The following SRGAP1 variants were observed in gnomAD, a reference collection of about 807,000 sequenced individuals.
The protein encoded by SRGAP1 is SLIT-ROBO Rho GTPase-activating protein 1.
A neutral mutation model predicts 121.9 loss-of-function variants in SRGAP1; 43 were observed. The ratio of observed to expected loss-of-function variants is 0.35; its 90% CI spans 0.28 to 0.46. The LOEUF (loss-of-function observed/expected upper bound fraction) is 0.46, where lower values mean the gene tolerates loss of function less well. SRGAP1 is among the 20% of genes least tolerant of loss of function. The pLI, the probability that SRGAP1 is intolerant of heterozygous loss-of-function variation, is 1.00. For synonymous variants in SRGAP1, 447 were observed against 485.4 expected (o/e 0.92, Z 1.04); for missense variants, 1,102 against 1,350.9 (o/e 0.82, Z 2.89).
Position 64,097,360 on chromosome 12 carries a change from C to T in SRGAP1, c.1798C>T (p.Leu600=). Residue 600 remains leucine, a synonymous_variant, in exon 15 of 22, where the codon CTG becomes TTG. Coordinates refer to ENST00000355086, the MANE Select transcript of SRGAP1 (RefSeq NM_020762.4). The stretch of plus-strand genomic sequence containing the variant: ...CTTTCCTAAGGAAAGATTTAACGAT[C>T]TGATTTCTTGTATCAGTAAGTGGAC... The part of the protein sequence containing the change: ...PLFPKERFND[L]ISCIRIDNLY... 1 of 1,609,192 alleles carries T rather than the reference C, an allele frequency of 6.2e-7. No homozygotes were observed. Among genetic ancestry groups the T allele is most frequent in the Non-Finnish European group, 8.5e-7 (1 of 1,178,868 alleles).
At chr12:64,117,571 T>C (rs1324858433) in intron 18 of SRGAP1, among the ~76,000 whole-genome samples, 2 of 152,238 alleles carry the variant, frequency 1.3e-5, no homozygotes, top group African/African-American at 4.8e-5. Context: ...CTTTAAGAAA[T>C]CCTTCTGTGT....
At chr12:64,016,356 A>G (rs1593045539) in intron 3 of SRGAP1, among the ~76,000 whole-genome samples, 1 of 152,114 alleles carries the variant, frequency 6.6e-6, no homozygotes. Context: ...GTTTGGTTGC[A>G]TGCCCCTGTA....
At chr12:63,956,675 G>C (rs77073937) in intron 1 of SRGAP1, among the ~76,000 whole-genome samples, 356 of 134,854 alleles carry the variant, frequency 2.6e-3, no homozygotes, top group African/African-American at 9.4e-3. Context: ...GCAGCCTCCT[G>C]TTATTGATAG....
intron 16 of SRGAP1, 141 bp from the exon 17 acceptor site, chr12:64,111,621 C>A: frequency 1.5e-6 from 1 of 663,732 alleles, no homozygotes; most frequent in Non-Finnish European, 2.4e-6. Flanking sequence ...GGTCATAAGT[C>A]ATTTCACTTT....
chr12:64,113,241 C>G (rs1592333585), intron 17 of SRGAP1, among the ~76,000 whole-genome samples: 2 of 152,098 alleles, frequency 1.3e-5, no homozygotes, highest in East Asian at 3.9e-4. Context: ...AACCCCGTCT[C>G]TACTAAAAAT....
At chr12:64,086,349 A>G (rs1182769935) in intron 10 of SRGAP1, among the ~76,000 whole-genome samples, 1 of 152,222 alleles carries the variant, frequency 6.6e-6, no homozygotes, top group East Asian at 1.9e-4. Context: ...CTGTTACTTA[A>G]AACAAGTCAA....
Position 64,112,464 on chromosome 12 carries a change from C to A in SRGAP1, c.2144+478C>A, listed in dbSNP as rs116657098. Among the ~76,000 whole-genome samples the A allele has an allele frequency of 7.0e-3, 1,058 of 152,156 alleles. 17 individuals are homozygous for A. The highest frequency in any genetic ancestry group is 0.024 in the African/African-American group (989 of 41,516). On this transcript the variant is annotated intron_variant, in intron 17 of 21. Coordinates refer to ENST00000355086, the MANE Select transcript of SRGAP1 (RefSeq NM_020762.4). ...AATTCTAGCTATAATTATAGTTAGA[C>A]CTTTAGGTCATTTTGAGCAAATTTA...
chr12:64,117,297 C>A (rs1165356170), intron 18 of SRGAP1, among the ~76,000 whole-genome samples: 1 of 152,052 alleles, frequency 6.6e-6, no homozygotes, highest in African/African-American at 2.4e-5. Flanking sequence ...AGTCTTTTGC[C>A]CATTTTTCTA....
rs145357694 is a variant in SRGAP1, at chr12:64,126,330, G to C, written c.2405+173G>C. Among the ~76,000 whole-genome samples the C allele has an allele frequency of 4.7e-4, 71 of 152,320 alleles. 1 individual carries two copies. Among genetic ancestry groups the C allele is most frequent in the African/African-American group, 1.6e-3 (68 of 41,574 alleles). On this transcript the variant is annotated intron_variant, in intron 19 of 21. Coordinates refer to ENST00000355086, the MANE Select transcript of SRGAP1 (RefSeq NM_020762.4). ...GTGGCTCTTTGCTAACAGTAAGTCA[G>C]GGCCCAGGAGGTTTGGAACAAGAAC...
At position 63,850,596 on chromosome 12, in the gene SRGAP1, ATTTTTTT is replaced by A. The variant is rs34957489; in HGVS notation, c.67+5725_67+5731del. 4.8e-5 allele frequency among the ~76,000 whole-genome samples: 6 copies of A among 124,328 alleles called. No individual in the cohort carries two copies. In the East Asian group the frequency reaches 7.5e-4, roughly 16 times the overall value. 81.6% of individuals were successfully genotyped at this position (124,328 alleles called of 152,430 possible). A position where few individuals can be genotyped will look rare whatever the true frequency, so the allele number is the denominator to read the frequency against. On this transcript the variant is annotated intron_variant, in intron 1 of 21. Coordinates refer to ENST00000355086, the MANE Select transcript of SRGAP1 (RefSeq NM_020762.4). Reference sequence around the variant, plus strand: ...TAGGTACACACCACCATACCTGGCTATTTTTTTTTTTTTTTTTTGTAAAGATAGGGTT... The same window carrying A: ...TAGGTACACACCACCATACCTGGCTATTTTTTTTTTTGTAAAGATAGGGTT...
intron 1 of SRGAP1, among the ~76,000 whole-genome samples, chr12:63,946,941 T>C (rs1256231718): frequency 6.6e-6 from 1 of 152,230 alleles, no homozygotes; most frequent in Admixed American, 6.5e-5. Flanking sequence ...CAAAGATTTT[T>C]TTTTTAATTC....
chr12:64,083,208 G>T (rs115257260), intron 10 of SRGAP1, among the ~76,000 whole-genome samples: 1,867 of 152,188 alleles, frequency 0.012, 32 homozygotes, highest in African/African-American at 0.04. Flanking sequence ...GGTGTGATAG[G>T]GTTACTAATA....
intron 1 of SRGAP1, among the ~76,000 whole-genome samples, chr12:63,963,606 C>T (rs560503594): frequency 1.3e-5 from 2 of 152,218 alleles, no homozygotes; most frequent in East Asian, 3.9e-4. Context: ...TAACTGTAGT[C>T]ACCTGCTGCA....
intron 8 of SRGAP1, among the ~76,000 whole-genome samples, chr12:64,078,164 T>C (rs2035771467): frequency 6.6e-6 from 1 of 152,180 alleles, no homozygotes; most frequent in African/African-American, 2.4e-5. Context: ...GAATGTAAAT[T>C]ACAATCATTT....
chr12:64,101,308 G>GGTGTGTGTGTGTGTGT (rs59020353), intron 15 of SRGAP1, among the ~76,000 whole-genome samples: 69 of 138,098 alleles, frequency 5.0e-4, no homozygotes, highest in Non-Finnish European at 8.0e-4. Context: ...TGGGGAAAGG[G>GGTGTGTGTGTGTGTGT]GTGTGTGTGT....
chr12:63,909,790 C>G (rs2030406056), intron 1 of SRGAP1, among the ~76,000 whole-genome samples: 1 of 152,166 alleles, frequency 6.6e-6, no homozygotes. Context: ...TCAGCAAGTC[C>G]CAAATCTGTA....
At chr12:63,869,015 A>G (rs915906006) in intron 1 of SRGAP1, among the ~76,000 whole-genome samples, 1 of 152,232 alleles carries the variant, frequency 6.6e-6, no homozygotes, top group African/African-American at 2.4e-5. Context: ...TAAAAAACTA[A>G]TAAGTTATTC....
intron 15 of SRGAP1, among the ~76,000 whole-genome samples, chr12:64,104,252 C>T (rs186118218): frequency 9.5e-4 from 144 of 152,256 alleles, no homozygotes; most frequent in African/African-American, 3.3e-3. Context: ...GAAGTTGGGA[C>T]GCTAACATGA....
At chr12:63,931,062 G>A (rs759736931) in intron 1 of SRGAP1, among the ~76,000 whole-genome samples, 49 of 152,114 alleles carry the variant, frequency 3.2e-4, no homozygotes, top group Non-Finnish European at 5.1e-4. Flanking sequence ...AAAAAATCCA[G>A]TCACGTAAAG....
Sources: gnomAD v4.1 joint callset for allele counts (sites outside exome capture counted in the v4.1 genomes callset) on GRCh38, gnomAD v4.1.1 for gene constraint, MANE v1.5 for transcripts, NCBI Gene and HGNC (gene_info 2026-07-23, HGNC 2026-07-21) for gene names.